The following RAP1GDS1 variants were observed in gnomAD, a reference collection of about 807,000 sequenced individuals.
RAP1GDS1 encodes RAP1, GTP-GDP dissociation stimulator 1.
RAP1GDS1 carries 35 observed loss-of-function variants against 71.1 expected under a neutral mutation model. The observed-to-expected ratio is 0.49, with a 90% CI of 0.38 to 0.65. The LOEUF (loss-of-function observed/expected upper bound fraction) is 0.65. RAP1GDS1 is among the 30% of genes least tolerant of loss of function. The pLI is 0.00. For synonymous variants in RAP1GDS1, 229 were observed against 243.1 expected (o/e 0.94, Z 0.54); for missense variants, 663 against 706.1 (o/e 0.94, Z 0.69).
intron 6 of RAP1GDS1, chr4:98,396,412 G>A (rs1353255525): frequency 6.6e-6 from 1 of 152,168 alleles, no homozygotes; most frequent in African/African-American, 2.4e-5. Context: ...GGTATACAGG[G>A]AAAATAAGCC....
intron 12 of RAP1GDS1, among the ~76,000 whole-genome samples, chr4:98,425,760 C>A (rs562522478): frequency 6.6e-6 from 1 of 152,040 alleles, no homozygotes; most frequent in African/African-American, 2.4e-5. Context: ...ACAAGATAGA[C>A]AGTAACACAA....
rs539461006 is a variant in RAP1GDS1, at chr4:98,390,010, C to T, written c.509-1942C>T. Among the ~76,000 whole-genome samples the T allele has an allele frequency of 5.9e-5, 9 of 152,248 alleles. No individual in the cohort carries two copies. In the South Asian group the frequency reaches 1.9e-3, roughly 32 times the overall value. The stretch of plus-strand genomic sequence containing the variant: ...ATGCATGCGCTAGTGCTCACGCTTA[C>T]ATACCTGAAATTTAATGATTCATCA... On this transcript the variant is annotated intron_variant, in intron 5 of 14. Transcript: ENST00000408927.
chr4:98,309,500 A>G (rs1729878914), intron 2 of RAP1GDS1, among the ~76,000 whole-genome samples: 1 of 151,002 alleles, frequency 6.6e-6, no homozygotes, highest in South Asian at 2.1e-4. Flanking sequence ...AATTGTTGAA[A>G]TAGGAAGAAT....
At chr4:98,307,173 A>G (rs1309378934) in intron 2 of RAP1GDS1, among the ~76,000 whole-genome samples, 2 of 151,790 alleles carry the variant, frequency 1.3e-5, no homozygotes, top group Non-Finnish European at 2.9e-5. Context: ...TGTGTTGTTT[A>G]ATCTGTTCCT....
intron 3 of RAP1GDS1, among the ~76,000 whole-genome samples, chr4:98,345,241 A>G (rs1736055869): frequency 6.6e-6 from 1 of 152,230 alleles, no homozygotes; most frequent in South Asian, 2.1e-4. Context: ...GATGAAAAAG[A>G]TTGTATGAAC....
intron 4 of RAP1GDS1, among the ~76,000 whole-genome samples, chr4:98,375,508 A>G (rs1013790456): frequency 1.3e-5 from 2 of 152,234 alleles, no homozygotes; most frequent in South Asian, 2.1e-4. Flanking sequence ...CAGTAACATT[A>G]TCTCCTATAG....
chr4:98,306,058 A>T (rs1388750189), intron 2 of RAP1GDS1, among the ~76,000 whole-genome samples: 1 of 152,160 alleles, frequency 6.6e-6, no homozygotes, highest in African/African-American at 2.4e-5. Context: ...TCTTTCTAAC[A>T]TTATTTTTCA....
At chr4:98,345,479 A>G (rs1736092640) in intron 3 of RAP1GDS1, among the ~76,000 whole-genome samples, 1 of 152,176 alleles carries the variant, frequency 6.6e-6, no homozygotes, top group African/African-American at 2.4e-5. Flanking sequence ...TTGACCATAA[A>G]TTATAGTAAA....
intron 7 of RAP1GDS1, among the ~76,000 whole-genome samples, chr4:98,413,840 T>C (rs1747477622): frequency 6.6e-6 from 1 of 151,590 alleles, no homozygotes; most frequent in African/African-American, 2.4e-5. Flanking sequence ...CCACCAACAG[T>C]GTAAAAGTGT....
intron 2 of RAP1GDS1, among the ~76,000 whole-genome samples, chr4:98,299,179 T>G (rs1464658254): frequency 1.3e-5 from 2 of 152,204 alleles, no homozygotes. Flanking sequence ...GTCCTTGTGA[T>G]AGTTTGCTCA....
At position 98,407,783 on chromosome 4, in the gene RAP1GDS1, C is replaced by T. The variant is rs542279208; in HGVS notation, c.763+3181C>T. Among the ~76,000 whole-genome samples the T allele has an allele frequency of 8.5e-5, 13 of 152,122 alleles. No individual in the cohort carries two copies. The South Asian group carries it at 2.7e-3, about 32-fold the overall frequency. On this transcript the variant is annotated intron_variant, in intron 7 of 14. Transcript: ENST00000408927. ...TCCTAGACTTTGCCACTATACAATT[C>T]ATCCATGTAACCAAAAACCACTTGT...
intron 12 of RAP1GDS1, among the ~76,000 whole-genome samples, chr4:98,428,013 C>T (rs4699631): frequency 0.18 from 26,742 of 151,986 alleles, 3,862 homozygotes; most frequent in African/African-American, 0.4. Flanking sequence ...AATAGGCACA[C>T]AGACCAATTG....
intron 12 of RAP1GDS1, among the ~76,000 whole-genome samples, chr4:98,429,049 G>C (rs1366606149): frequency 6.6e-6 from 1 of 152,132 alleles, no homozygotes; most frequent in East Asian, 1.9e-4. Context: ...ACCAAGTCAG[G>C]AGATCAAGAC....
chr4:98,280,512 C>G (rs1057430202), intron 1 of RAP1GDS1, among the ~76,000 whole-genome samples: 59 of 152,212 alleles, frequency 3.9e-4, no homozygotes, highest in African/African-American at 1.3e-3. Flanking sequence ...GATATTAGCC[C>G]TTTGTCAGAT....
chr4:98,357,326 G>A (rs1337366230), intron 4 of RAP1GDS1, among the ~76,000 whole-genome samples: 5 of 151,778 alleles, frequency 3.3e-5, no homozygotes, highest in African/African-American at 4.8e-5. Context: ...AGTAAGTAGC[G>A]TAAAAATAAG....
intron 12 of RAP1GDS1, among the ~76,000 whole-genome samples, chr4:98,428,129 G>A (rs1006846559): frequency 6.6e-6 from 1 of 152,028 alleles, no homozygotes; most frequent in African/African-American, 2.4e-5. Flanking sequence ...TCAACAAATG[G>A]TGCTGTGATT....
chr4:98,281,357 T>G (rs2110252667), intron 1 of RAP1GDS1, among the ~76,000 whole-genome samples: 1 of 152,328 alleles, frequency 6.6e-6, no homozygotes, highest in Middle Eastern at 3.4e-3. Context: ...CCTAGGTATT[T>G]TATTCTCTTT....
chr4:98,398,886 G>A (rs1248709413), intron 6 of RAP1GDS1, among the ~76,000 whole-genome samples: 5 of 152,068 alleles, frequency 3.3e-5, no homozygotes, highest in Non-Finnish European at 7.4e-5. Context: ...AGACCTACAA[G>A]GAAAACTACA....
At chr4:98,395,244 A>G (rs1410529631) in intron 6 of RAP1GDS1, among the ~76,000 whole-genome samples, 1 of 152,206 alleles carries the variant, frequency 6.6e-6, no homozygotes. Flanking sequence ...TATAATAGGC[A>G]TAGCTTGTCT....
Sources: gnomAD v4.1 joint callset for allele counts (sites outside exome capture counted in the v4.1 genomes callset) on GRCh38, gnomAD v4.1.1 for gene constraint, MANE v1.5 for transcripts, NCBI Gene and HGNC (gene_info 2026-07-23, HGNC 2026-07-21) for gene names.